Variants in LRP1B observed in about 807,000 individuals in gnomAD.
The protein encoded by LRP1B is low-density lipoprotein receptor-related protein 1B.
LRP1B carries 217 observed loss-of-function variants against 556.6 expected under a neutral mutation model. That is an observed-to-expected ratio of 0.39 (90% CI 0.35 to 0.44). The LOEUF is 0.44. Among genes scored for constraint, LRP1B ranks in the 20% least tolerant of loss-of-function variants. The pLI is 1.00. For missense variants in LRP1B, 5,053 were observed against 5,620.8 expected, an observed-to-expected ratio of 0.90 and a Z score of 3.23; for synonymous variants, 2,047 against 1,865.8, an observed-to-expected ratio of 1.10 and a Z score of -2.50.
At chr2:140,418,068 T>C (rs1355176535) in intron 66 of LRP1B, among the ~76,000 whole-genome samples, 2 of 152,192 alleles carry the variant, frequency 1.3e-5, no homozygotes, top group Non-Finnish European at 2.9e-5. Context: ...AAAACTTGCC[T>C]AGTTGTGTGA....
intron 2 of LRP1B, among the ~76,000 whole-genome samples, chr2:141,747,516 A>G (rs1242810272): frequency 6.6e-6 from 1 of 152,164 alleles, no homozygotes; most frequent in Admixed American, 6.5e-5. Context: ...ATGCACCTGT[A>G]GTCCTAGCTA....
chr2:141,715,326 C>A (rs2105486192), intron 2 of LRP1B, among the ~76,000 whole-genome samples: 1 of 151,972 alleles, frequency 6.6e-6, no homozygotes, highest in Non-Finnish European at 1.5e-5. Context: ...AAAAAATCAG[C>A]CTGATGTGGG....
intron 66 of LRP1B, among the ~76,000 whole-genome samples, chr2:140,422,247 C>T (rs187619653): frequency 2.0e-5 from 3 of 152,178 alleles, no homozygotes; most frequent in Admixed American, 6.5e-5. Flanking sequence ...CATAAATATA[C>T]GACACCGAAA....
At chr2:140,614,998 G>A (rs1006535047) in intron 41 of LRP1B, among the ~76,000 whole-genome samples, 2 of 152,106 alleles carry the variant, frequency 1.3e-5, no homozygotes, top group African/African-American at 2.4e-5. Context: ...TTAAAATGAA[G>A]ATAACAGCCC....
intron 35 of LRP1B, among the ~76,000 whole-genome samples, chr2:140,736,305 T>C (rs933825297): frequency 3.3e-5 from 5 of 152,040 alleles, no homozygotes; most frequent in African/African-American, 1.2e-4. Context: ...AGTTCAGTGG[T>C]TACTCTACTC....
At chr2:141,592,247 A>C (rs1687367373) in intron 2 of LRP1B, among the ~76,000 whole-genome samples, 1 of 152,196 alleles carries the variant, frequency 6.6e-6, no homozygotes, top group African/African-American at 2.4e-5. Flanking sequence ...CTAGAACAAA[A>C]TACTATCAAC....
intron 2 of LRP1B, among the ~76,000 whole-genome samples, chr2:141,597,751 C>T (rs997855955): frequency 1.3e-5 from 2 of 151,850 alleles, no homozygotes; most frequent in Non-Finnish European, 2.9e-5. Context: ...TTTTAAGGTA[C>T]TTATGTAGTT....
intron 3 of LRP1B, among the ~76,000 whole-genome samples, chr2:141,435,364 A>G (rs1258745371): frequency 6.8e-6 from 1 of 148,096 alleles, no homozygotes; most frequent in Non-Finnish European, 1.5e-5. Flanking sequence ...GTTGGCTGTT[A>G]TCATGGCTAT....
intron 79 of LRP1B, among the ~76,000 whole-genome samples, chr2:140,329,841 G>T (rs954338351): frequency 2.0e-5 from 3 of 151,638 alleles, no homozygotes; most frequent in Non-Finnish European, 4.4e-5. Context: ...TACATTCACT[G>T]CTATTCCTGT....
At chr2:142,079,094 T>C (rs1705617133) in intron 1 of LRP1B, among the ~76,000 whole-genome samples, 1 of 152,148 alleles carries the variant, frequency 6.6e-6, no homozygotes, top group Non-Finnish European at 1.5e-5. Flanking sequence ...GTCCATTTAA[T>C]TAATTTTTGC....
chr2:140,689,256 T>A (rs1268618633), intron 41 of LRP1B, among the ~76,000 whole-genome samples: 2 of 152,290 alleles, frequency 1.3e-5, no homozygotes, highest in African/African-American at 4.8e-5. Flanking sequence ...TCTTGTCCAA[T>A]CCCAGTGGCC....
chr2:140,714,280 G>A (rs563356677), intron 37 of LRP1B, among the ~76,000 whole-genome samples: 1 of 152,228 alleles, frequency 6.6e-6, no homozygotes, highest in South Asian at 2.1e-4. Flanking sequence ...ACAGTGCCTA[G>A]CACTCAATAA....
chr2:141,160,889 C>G (rs957908753), intron 7 of LRP1B, among the ~76,000 whole-genome samples: 33 of 150,600 alleles, frequency 2.2e-4, no homozygotes, highest in Admixed American at 2.1e-3. Flanking sequence ...GGCTATATAC[C>G]AAAAAAGGGT....
chr2:141,178,297 TA>T (rs1249638688), intron 7 of LRP1B, among the ~76,000 whole-genome samples: 1 of 151,986 alleles, frequency 6.6e-6, no homozygotes, highest in Non-Finnish European at 1.5e-5. Flanking sequence ...GAGAAAAAAA[TA>T]AGGCTAACAA....
At chr2:140,482,124 T>A (rs1334421647) in intron 59 of LRP1B, among the ~76,000 whole-genome samples, 1 of 151,768 alleles carries the variant, frequency 6.6e-6, no homozygotes, top group Non-Finnish European at 1.5e-5. Flanking sequence ...GACTGAAACA[T>A]ACTTGAAGAC....
intron 1 of LRP1B, among the ~76,000 whole-genome samples, chr2:141,885,385 G>A (rs1699078995): frequency 6.6e-6 from 1 of 152,152 alleles, no homozygotes; most frequent in Admixed American, 6.6e-5. Context: ...GGGGATAAGA[G>A]TACGTACATG....
At chr2:140,285,314 CATACACACACAT>C (rs1300541070) in intron 84 of LRP1B, among the ~76,000 whole-genome samples, 11 of 92,798 alleles carry the variant, frequency 1.2e-4, no homozygotes, top group Admixed American at 3.1e-4. Context: ...TGTATATATA[CATACACACACAT>C]ATACACATAC....
intron 2 of LRP1B, among the ~76,000 whole-genome samples, chr2:141,647,134 T>C (rs563818103): frequency 6.6e-6 from 1 of 152,220 alleles, no homozygotes; most frequent in South Asian, 2.1e-4. Flanking sequence ...AAATTACTGA[T>C]TTTGTATCCT....
intron 2 of LRP1B, among the ~76,000 whole-genome samples, chr2:141,711,952 GAC>G (rs3039230): frequency 6.1e-4 from 91 of 148,196 alleles, no homozygotes; most frequent in Non-Finnish European, 1.1e-3. Context: ...AACACACACA[GAC>G]ACACACACAC....
Sources: allele counts gnomAD v4.1 joint callset (sites outside exome capture counted in the v4.1 genomes callset), GRCh38; gene constraint gnomAD v4.1.1; transcripts MANE v1.5; gene names NCBI Gene and HGNC (gene_info 2026-07-23, HGNC 2026-07-21).